Variants in AVEN observed in about 807,000 individuals in gnomAD.
AVEN encodes apoptosis and caspase activation inhibitor, also known as cell death regulator Aven.
AVEN carries 41 observed loss-of-function variants against 38.1 expected under a neutral mutation model. That is an observed-to-expected ratio of 1.08 (90% CI 0.84 to 1.40). The LOEUF is 1.40. AVEN is among the 40% of genes most tolerant of loss of function. AVEN has a pLI of 0.00. For missense variants in AVEN, 605 were observed against 438.8 expected (o/e 1.38, Z -3.38); for synonymous variants, 206 against 171.8 (o/e 1.20, Z -1.56).
intron 2 of AVEN, among the ~76,000 whole-genome samples, chr15:33,937,693 A>C (rs1221311128): frequency 6.6e-6 from 1 of 152,042 alleles, no homozygotes; most frequent in African/African-American, 2.4e-5. Context: ...CAATGGGATT[A>C]ATGGCCTTAT....
Position 34,063,783 on chromosome 15 carries a change from T to G in AVEN, n.1127-351A>C. The G allele has an allele frequency of 6.2e-7, 1 of 1,614,200 alleles. No individual in the cohort carries two copies. Among genetic ancestry groups the G allele is most frequent in the South Asian group, 1.1e-5 (1 of 91,088 alleles). On this transcript the variant is annotated intron_variant and non_coding_transcript_variant, in intron 4 of 11. Coordinates refer to the AVEN transcript ENST00000675287. The surrounding 1 kb of genome is among the most constrained non-coding windows in gnomAD (Gnocchi z 4.1). ...GAAAGCTGAAACTGAAAAAAGTGAC[T>G]ATGACACCCCAAACTACCTTCTGTC...
rs555993837 is a variant in AVEN, at chr15:33,860,584, T to G, written n.2730-1490A>C. 3.2e-6 allele frequency: 5 copies of G among 1,561,616 alleles called. No homozygotes were observed. In the South Asian group the frequency reaches 6.0e-5, roughly 19 times the overall value. On this transcript the variant is annotated intron_variant and non_coding_transcript_variant, in intron 11 of 11. Coordinates refer to the AVEN transcript ENST00000675287. Reference sequence around the variant, plus strand: ...ACACAGATTGCTTTGTCTTTGTATTTAACATTCCAGGTCTTATTATTGATG... The same window carrying G: ...ACACAGATTGCTTTGTCTTTGTATTGAACATTCCAGGTCTTATTATTGATG...
intron 2 of AVEN, among the ~76,000 whole-genome samples, chr15:33,966,581 A>G (rs750581949): frequency 5.3e-5 from 8 of 152,148 alleles, no homozygotes; most frequent in African/African-American, 7.2e-5. Flanking sequence ...ACAGAAAATT[A>G]TAATTTCCAT....
chr15:33,868,477 G>A (rs1047420988), intron 4 of AVEN, among the ~76,000 whole-genome samples: 3 of 150,208 alleles, frequency 2.0e-5, no homozygotes, highest in Non-Finnish European at 3.0e-5. Flanking sequence ...CCTGGGAGGC[G>A]GAGCTTGCAG....
At chr15:33,908,626 G>A (rs556796285) in intron 2 of AVEN, among the ~76,000 whole-genome samples, 1 of 151,992 alleles carries the variant, frequency 6.6e-6, no homozygotes, top group Admixed American at 6.5e-5. Context: ...TTTCTGACTG[G>A]CTTATTTGTC....
At chr15:34,046,894 CG>C in intron 5 of AVEN, 1 of 152,400 alleles carries the variant, frequency 6.6e-6, no homozygotes, top group Non-Finnish European at 1.5e-5. Flanking sequence ...GCGACCCCAC[CG>C]GGGAAACCAC....
At chr15:33,961,332 T>C (rs139758652) in intron 2 of AVEN, among the ~76,000 whole-genome samples, 1,758 of 152,298 alleles carry the variant, frequency 0.012, 35 homozygotes, top group African/African-American at 0.039. Flanking sequence ...CATTTCTCAT[T>C]ATGCATAAGA....
At chr15:33,880,173 G>A (rs1423458132) in intron 2 of AVEN, among the ~76,000 whole-genome samples, 2 of 152,050 alleles carry the variant, frequency 1.3e-5, no homozygotes, top group African/African-American at 4.8e-5. Context: ...TGCTGAGAAC[G>A]AGGAACCAGG....
chr15:33,884,789 T>G (rs1292023857), intron 2 of AVEN, among the ~76,000 whole-genome samples: 1 of 152,194 alleles, frequency 6.6e-6, no homozygotes, highest in Non-Finnish European at 1.5e-5. Flanking sequence ...GCAAAGACTT[T>G]CAGAATGAAC....
Position 34,049,535 on chromosome 15 carries a change from T to C in AVEN, n.1637+13387A>G, listed in dbSNP as rs1845058021. On this transcript the variant is annotated intron_variant and non_coding_transcript_variant, in intron 5 of 11. Coordinates refer to the AVEN transcript ENST00000675287. Reference sequence around the variant, plus strand: ...AAGAATGAAAAGGATCATGGGATTATGTAAAGCAAAACCCATGACTGATTG... The same window carrying C: ...AAGAATGAAAAGGATCATGGGATTACGTAAAGCAAAACCCATGACTGATTG... Among the ~76,000 whole-genome samples the C allele has an allele frequency of 2.0e-5, 3 of 152,148 alleles. No individual in the cohort carries two copies. In the South Asian group the frequency reaches 6.2e-4, roughly 32 times the overall value.
chr15:33,887,938 G>A (rs75887287), intron 2 of AVEN, among the ~76,000 whole-genome samples: 1 of 152,076 alleles, frequency 6.6e-6, no homozygotes, highest in African/African-American at 2.4e-5. Context: ...GGAGTTGAAA[G>A]CCCAACAACA....
At chr15:34,032,723 C>G (rs141309303) in intron 1 of AVEN, among the ~76,000 whole-genome samples, 15 of 152,298 alleles carry the variant, frequency 9.8e-5, no homozygotes, top group Admixed American at 2.6e-4. Flanking sequence ...CAAAAGCAGT[C>G]TACCCTAGAA....
intron 2 of AVEN, chr15:33,991,292 TGCAAAACAAGAATGAA>T (rs1896712366): frequency 1.3e-5 from 2 of 152,250 alleles, no homozygotes; most frequent in African/African-American, 4.8e-5. Context: ...AGGATTATTT[TGCAAAACAAGAATGAA>T]GCAAAACAAA....
At chr15:34,071,542 C>A (rs475194) in intron 1 of AVEN, among the ~76,000 whole-genome samples, 1 of 152,180 alleles carries the variant, frequency 6.6e-6, no homozygotes, top group Non-Finnish European at 1.5e-5. Flanking sequence ...TCCCAAAGTG[C>A]TGGGATTCCA....
chr15:33,988,218 G>A (rs1251826557), intron 2 of AVEN, among the ~76,000 whole-genome samples: 3 of 152,156 alleles, frequency 2.0e-5, no homozygotes, highest in Non-Finnish European at 4.4e-5. Flanking sequence ...GTGTATCTTA[G>A]ACAGTGATAT....
chr15:33,899,429 A>T (rs1450607799), intron 2 of AVEN, among the ~76,000 whole-genome samples: 1 of 141,324 alleles, frequency 7.1e-6, no homozygotes, highest in African/African-American at 2.6e-5. Context: ...ATTGATTCAA[A>T]GTGTTTACAT....
chr15:33,875,978 A>C lies in AVEN; in HGVS notation c.463T>G (p.Phe155Val). The change falls in exon 3 of 6, where the codon TTC (phenylalanine) becomes GTC (valine). Residue 155 changes from phenylalanine to valine, a missense_variant. By Grantham distance (50) the Phe-to-Val change is conservative. Transcript: ENST00000306730. ...LSSAGDSFSQ[F>V]RFAEEKEWDS... ...CATTCTTTCTCCTCAGCAAACCGGAACTGTGAGAATGAGTCCCCTAGGAAT... is the reference window on the plus strand; with the variant it reads ...CATTCTTTCTCCTCAGCAAACCGGACCTGTGAGAATGAGTCCCCTAGGAAT... The C allele has an allele frequency of 6.2e-7, 1 of 1,613,388 alleles. No homozygotes were observed.
chr15:34,031,168 A>ATT (rs34414446), intron 1 of AVEN, among the ~76,000 whole-genome samples: 19,222 of 67,388 alleles, frequency 0.29, 3,592 homozygotes, highest in Middle Eastern at 0.36. Context: ...GCTTAGGTTA[A>ATT]TTTTTTTTTT....
intron 2 of AVEN, chr15:33,991,909 G>C (rs1389421875): frequency 6.5e-6 from 1 of 153,464 alleles, no homozygotes; most frequent in Non-Finnish European, 1.5e-5. Context: ...AAGCTGCCTA[G>C]GCTGGATCTG....
Sources: gnomAD v4.1 joint callset for allele counts (sites outside exome capture counted in the v4.1 genomes callset) on GRCh38, gnomAD v4.1.1 for gene constraint, Gnocchi (gnomAD v3.1) non-coding constraint, MANE v1.5 for transcripts, NCBI Gene and HGNC (gene_info 2026-07-23, HGNC 2026-07-21) for gene names.